FARSB: variants seen among roughly 807,000 people sequenced by gnomAD.
The protein encoded by FARSB is phenylalanine--tRNA ligase beta subunit.
A neutral mutation model predicts 69.6 loss-of-function variants in FARSB; 40 were observed. That is an observed-to-expected ratio of 0.57 (90% CI 0.45 to 0.75). The LOEUF (loss-of-function observed/expected upper bound fraction) is 0.75, where lower values mean the gene tolerates loss of function less well. FARSB is among the 30% of genes least tolerant of loss of function. FARSB has a pLI of 0.00. For missense variants in FARSB, 632 were observed against 722.9 expected, an observed-to-expected ratio of 0.87 and a Z score of 1.44; for synonymous variants, 235 against 247.2, an observed-to-expected ratio of 0.95 and a Z score of 0.46.
At chr2:222,590,713 A>G (rs1456879081) in intron 16 of FARSB, among the ~76,000 whole-genome samples, 4 of 152,178 alleles carry the variant, frequency 2.6e-5, no homozygotes, top group Non-Finnish European at 5.9e-5. Flanking sequence ...TGTATTTACA[A>G]CTGGGAATAA....
At chr2:222,633,799 C>T (rs1691505831) in intron 6 of FARSB, among the ~76,000 whole-genome samples, 1 of 151,620 alleles carries the variant, frequency 6.6e-6, no homozygotes, top group Non-Finnish European at 1.5e-5. Context: ...TTCCAGTATT[C>T]AATGAACACA....
intron 7 of FARSB, 94 bp from the exon 8 acceptor site, chr2:222,631,768 T>C (rs1691431888): frequency 1.3e-6 from 1 of 794,242 alleles, no homozygotes; most frequent in South Asian, 1.5e-5. Flanking sequence ...ACATTTTAAA[T>C]GTAAAACATA....
At chr2:222,632,075 G>GACATGGTGCAATGGCACA (rs1691444235) in intron 7 of FARSB, among the ~76,000 whole-genome samples, 1 of 151,504 alleles carries the variant, frequency 6.6e-6, no homozygotes, top group Admixed American at 6.6e-5. Context: ...GCAATGGCAC[G>GACATGGTGCAATGGCACA]AGAGTGTGCC....
In FARSB at chr2:222,649,170, G is replaced by T. The variant is rs181334174; in HGVS notation, c.59-375C>A. ...GAACCTGGGAGGCAGAGGTTGCAGT[G>T]AGCCGAGATCATGACATTGCACTCC... On this transcript the variant is annotated intron_variant, in intron 1 of 16. Transcript: ENST00000281828. 1.5e-3 allele frequency among the ~76,000 whole-genome samples: 217 copies of T among 145,540 alleles called. 1 individual carries two copies. The highest frequency in any genetic ancestry group is 0.013 in the Admixed American group (190 of 14,348).
intron 5 of FARSB, among the ~76,000 whole-genome samples, chr2:222,637,736 A>G (rs1015833961): frequency 3.3e-5 from 5 of 152,238 alleles, no homozygotes; most frequent in African/African-American, 1.2e-4. Flanking sequence ...CTGTAACCCC[A>G]GCACTTTAGG....
chr2:222,595,167 G>C (rs1690378206), intron 16 of FARSB, among the ~76,000 whole-genome samples: 1 of 152,136 alleles, frequency 6.6e-6, no homozygotes, highest in Non-Finnish European at 1.5e-5. Context: ...TTTATTTGTT[G>C]ATGGTAACTA....
chr2:222,604,629 C>T (rs770501656), intron 15 of FARSB, among the ~76,000 whole-genome samples: 1 of 151,778 alleles, frequency 6.6e-6, no homozygotes, highest in African/African-American at 2.4e-5. Flanking sequence ...GATCTTGGCT[C>T]ATTGCAGCCT....
At chr2:222,586,368 C>A (rs908372815) in intron 16 of FARSB, among the ~76,000 whole-genome samples, 2 of 152,152 alleles carry the variant, frequency 1.3e-5, no homozygotes, top group Non-Finnish European at 2.9e-5. Flanking sequence ...AAGCACTAAA[C>A]ATGGAAAGGA....
intron 5 of FARSB, among the ~76,000 whole-genome samples, chr2:222,635,448 A>G (rs1691554386): frequency 6.6e-6 from 1 of 152,242 alleles, no homozygotes. Context: ...GGTTAAAAAG[A>G]ATTGCTAACA....
chr2:222,650,377 ATGGAT>A (rs1351651168), intron 1 of FARSB, among the ~76,000 whole-genome samples: 23 of 152,182 alleles, frequency 1.5e-4, no homozygotes, highest in Admixed American at 6.5e-4. Flanking sequence ...AGAGTAGAGG[ATGGAT>A]TGGAGCAGGG....
chr2:222,610,440 G>C (rs926328470), intron 15 of FARSB, among the ~76,000 whole-genome samples: 1 of 151,358 alleles, frequency 6.6e-6, no homozygotes, highest in Non-Finnish European at 1.5e-5. Context: ...CAACATTCCT[G>C]TTTCCATAAA....
rs762598366 is a variant in FARSB at position 222,630,129 on chromosome 2, A to T, written c.832T>A (p.Cys278Ser). 1.3e-6 allele frequency: 2 copies of T among 1,561,768 alleles called. No homozygotes were observed. The highest frequency in any genetic ancestry group is 2.4e-5 in the South Asian group (2 of 83,088). ...TGAACTTACGTAAATTGATTCTCAC[A>T]ATATTCACTGAACATGGTGACAATA... The part of the protein sequence containing the change: ...DIIVTMFSEY[C>S]ENQFTVEAAE... Residue 278 changes from cysteine (C) to serine (S), a missense_variant, in exon 9 of 17, where the codon TGT (cysteine) becomes AGT (serine). Coordinates refer to ENST00000281828, the MANE Select transcript of FARSB (RefSeq NM_005687.5).
chr2:222,590,548 C>CAA (rs377051875), intron 16 of FARSB, among the ~76,000 whole-genome samples: 7 of 114,054 alleles, frequency 6.1e-5, no homozygotes, highest in East Asian at 5.2e-4. Context: ...CCTTTTAGGC[C>CAA]AAAAAAAAAA....
intron 15 of FARSB, among the ~76,000 whole-genome samples, chr2:222,601,219 C>T (rs1156461209): frequency 1.3e-5 from 2 of 152,152 alleles, no homozygotes; most frequent in Non-Finnish European, 2.9e-5. Context: ...GTTAACACTA[C>T]TGTAACTGTG....
intron 16 of FARSB, among the ~76,000 whole-genome samples, chr2:222,588,616 G>T (rs1284344600): frequency 6.6e-6 from 1 of 152,126 alleles, no homozygotes; most frequent in South Asian, 2.1e-4. Context: ...AAACCCCATC[G>T]TCTCAGCCCA....
chr2:222,630,731 T>C, intron 8 of FARSB, among the ~76,000 whole-genome samples: 1 of 152,218 alleles, frequency 6.6e-6, no homozygotes, highest in Non-Finnish European at 1.5e-5. Context: ...TATGCTTTAC[T>C]CTTATATAAA....
At chr2:222,625,150 G>A (rs1233949547) in intron 10 of FARSB, among the ~76,000 whole-genome samples, 1 of 152,172 alleles carries the variant, frequency 6.6e-6, no homozygotes, top group African/African-American at 2.4e-5. Context: ...AGATGGATAT[G>A]ACCAAGAAAG....
In FARSB at chr2:222,569,338, A is replaced by G. The variant is rs1033434763; in HGVS notation, c.*2533T>C. ...GGTTCCACCTACTTCAACAAGGGCTATCATATGATGATCCATAAGCCATGA... is the reference window on the plus strand; with the variant it reads ...GGTTCCACCTACTTCAACAAGGGCTGTCATATGATGATCCATAAGCCATGA... On this transcript the variant is annotated 3_prime_UTR_variant, in exon 17 of 17. Coordinates refer to ENST00000281828, the MANE Select transcript of FARSB (RefSeq NM_005687.5). 9 of 152,214 alleles carry G rather than the reference A, an allele frequency of 5.9e-5. No homozygotes were observed. The highest frequency in any genetic ancestry group is 5.9e-4 in the Admixed American group (9 of 15,280). 9.4% of individuals were successfully genotyped at this position (152,214 alleles called of 1,614,324 possible).
At position 222,643,024 on chromosome 2, in the gene FARSB, T is replaced by C; in HGVS notation, c.115-19A>G. ...CAGATGTCTAAAACAAGCCAAAAAG[T>C]AATGATAAAAATTAAATAATTTAAA... On this transcript the variant is annotated intron_variant, in intron 2 of 16. Transcript: ENST00000281828. The C allele has an allele frequency of 6.7e-7, 1 of 1,483,326 alleles. No homozygotes were observed. The highest frequency in any genetic ancestry group is 1.2e-5 in the South Asian group (1 of 80,288). The allele number at this position is 1,483,326 out of a possible 1,614,324, so 91.9% of individuals were successfully genotyped here. A position where few individuals can be genotyped will look rare whatever the true frequency, so the allele number is the denominator to read the frequency against.
Sources: gnomAD v4.1 joint callset for allele counts (sites outside exome capture counted in the v4.1 genomes callset) on GRCh38, gnomAD v4.1.1 for gene constraint, MANE v1.5 for transcripts, NCBI Gene and HGNC (gene_info 2026-07-23, HGNC 2026-07-21) for gene names.